Variants in PIK3C2A observed in about 807,000 individuals in gnomAD.
PIK3C2A encodes phosphatidylinositol 4-phosphate 3-kinase C2 domain-containing subunit alpha.
In PIK3C2A, 97 loss-of-function variants were observed where a neutral mutation model predicts 204.5. The ratio of observed to expected loss-of-function variants is 0.47; its 90% confidence interval spans 0.40 to 0.56. The LOEUF (loss-of-function observed/expected upper bound fraction) is 0.56. Among genes scored for constraint, PIK3C2A ranks in the 20% least tolerant of loss-of-function variants. PIK3C2A has a pLI of 0.00. For missense variants in PIK3C2A, 1,735 were observed against 1,969.2 expected (o/e 0.88, Z 2.25); for synonymous variants, 653 against 664.4 (o/e 0.98, Z 0.26).
chr11:17,112,899 C>T (rs1399745090), intron 20 of PIK3C2A, among the ~76,000 whole-genome samples: 1 of 151,258 alleles, frequency 6.6e-6, no homozygotes, highest in Non-Finnish European at 1.5e-5. Context: ...GATCCTCCTG[C>T]CTCAGCCTCC....
At chr11:17,123,621 C>T (rs1565257733) in intron 13 of PIK3C2A, among the ~76,000 whole-genome samples, 1 of 151,830 alleles carries the variant, frequency 6.6e-6, no homozygotes, top group Admixed American at 6.6e-5. Flanking sequence ...CTATAAAGAG[C>T]CAGAGAGTAA....
intron 1 of PIK3C2A, among the ~76,000 whole-genome samples, chr11:17,171,034 C>T (rs1851138699): frequency 1.3e-5 from 2 of 151,910 alleles, no homozygotes; most frequent in African/African-American, 2.4e-5. Context: ...ACCCGGGAGG[C>T]GGAGCTTGCA....
chr11:17,158,587 T>C (rs1357984908), intron 2 of PIK3C2A, among the ~76,000 whole-genome samples: 1 of 151,948 alleles, frequency 6.6e-6, no homozygotes, highest in Non-Finnish European at 1.5e-5. Context: ...TTAATCACCA[T>C]GCTAATCTGT....
At chr11:17,099,545 C>CAAAAAAA (rs1485359453) in intron 26 of PIK3C2A, among the ~76,000 whole-genome samples, 2 of 151,580 alleles carry the variant, frequency 1.3e-5, no homozygotes, top group African/African-American at 4.9e-5. Context: ...GACTCAGTCT[C>CAAAAAAA]AAAATAAAAA....
chr11:17,122,228 C>A lies in PIK3C2A; in HGVS notation c.2617G>T (p.Gly873Trp). 6.4e-7 allele frequency: 1 copy of A among 1,569,516 alleles called. No homozygotes were observed. The highest frequency in any genetic ancestry group is 1.1e-5 in the South Asian group (1 of 90,014). Residue 873 changes from glycine to tryptophan, a missense_variant, in exon 15 of 33, where the codon GGG (glycine) becomes TGG (tryptophan). By Grantham distance (184) the Gly-to-Trp change is radical. Around this residue, in one of 6 missense-constraint regions of PIK3C2A, gnomAD observed 567 missense variants for 576.0 expected, o/e 0.98. Transcript: ENST00000691414. ...NLETLENDIK[G>W]KLLDILHKDS... ...TTATGAAGAATATCAAGAAGTTTCCCTTTTATATCATTCTCTAGTGTTTCT... is the reference window on the plus strand; with the variant it reads ...TTATGAAGAATATCAAGAAGTTTCCATTTTATATCATTCTCTAGTGTTTCT...
intron 13 of PIK3C2A, among the ~76,000 whole-genome samples, chr11:17,124,347 T>G (rs1849453521): frequency 1.3e-5 from 2 of 152,270 alleles, no homozygotes; most frequent in Admixed American, 1.3e-4. Flanking sequence ...CCATAAAATA[T>G]CTAGTCACTA....
intron 32 of PIK3C2A, 28 bp from the exon 33 acceptor site, chr11:17,089,948 A>C (rs751370957): frequency 6.7e-7 from 1 of 1,485,800 alleles, no homozygotes; most frequent in South Asian, 1.3e-5. Flanking sequence ...AGAACAGTAA[A>C]TCACAAATTA....
At chr11:17,193,800 C>T (rs555292763) in intron 1 of PIK3C2A, 4 of 174,158 alleles carry the variant, frequency 2.3e-5, no homozygotes, top group South Asian at 1.2e-4. Flanking sequence ...GAGCCGAGAT[C>T]GCACCACTGC....
chr11:17,134,283 GCA>G (rs1849798908), intron 11 of PIK3C2A, among the ~76,000 whole-genome samples: 1 of 151,922 alleles, frequency 6.6e-6, no homozygotes, highest in South Asian at 2.1e-4. Flanking sequence ...ATAGCTCACT[GCA>G]GTCTTCATTT....
intron 26 of PIK3C2A, 31 bp from the exon 27 acceptor site, chr11:17,097,295 T>A: frequency 1.5e-6 from 2 of 1,357,602 alleles, no homozygotes; most frequent in Non-Finnish European, 2.1e-6. Flanking sequence ...TCGTTAACAG[T>A]AAATGAGAAC....
At chr11:17,131,550 T>C (rs887579085) in intron 12 of PIK3C2A, among the ~76,000 whole-genome samples, 2 of 150,930 alleles carry the variant, frequency 1.3e-5, no homozygotes, top group Non-Finnish European at 2.9e-5. Context: ...GCCTCCCGAG[T>C]AGCTGGGACC....
intron 24 of PIK3C2A, among the ~76,000 whole-genome samples, 174 bp downstream of exon 24, chr11:17,102,488 A>T (rs1177534765): frequency 2.0e-5 from 3 of 152,224 alleles, no homozygotes; most frequent in African/African-American, 7.2e-5. Context: ...AACAAAGTTT[A>T]TACACATTTA....
intron 22 of PIK3C2A, among the ~76,000 whole-genome samples, 199 bp from the exon 23 acceptor site, chr11:17,105,504 C>T (rs947057334): frequency 6.6e-5 from 10 of 152,088 alleles, no homozygotes; most frequent in African/African-American, 1.9e-4. Flanking sequence ...GGTTTTAAGC[C>T]CCGCATACAT....
intron 12 of PIK3C2A, among the ~76,000 whole-genome samples, chr11:17,130,742 G>A (rs1849664893): frequency 6.6e-6 from 1 of 150,898 alleles, no homozygotes; most frequent in Non-Finnish European, 1.5e-5. Context: ...GGGAAGCTGA[G>A]GTTACAGTGG....
At chr11:17,185,605 T>A (rs979700436) in intron 1 of PIK3C2A, among the ~76,000 whole-genome samples, 1 of 152,220 alleles carries the variant, frequency 6.6e-6, no homozygotes, top group Non-Finnish European at 1.5e-5. Context: ...CATCATTGTA[T>A]GCATAGGTAG....
At chr11:17,126,103 G>A (rs1331692887) in intron 13 of PIK3C2A, among the ~76,000 whole-genome samples, 1 of 152,112 alleles carries the variant, frequency 6.6e-6, no homozygotes, top group East Asian at 1.9e-4. Flanking sequence ...CAACCTGAGT[G>A]ACAGAGTGAG....
In PIK3C2A at chr11:17,193,917, G is replaced by GA. The variant is rs869134754; in HGVS notation, c.-66+13930dup. The GA allele has an allele frequency of 3.4e-5, 9 of 264,786 alleles. No individual in the cohort carries two copies. In the East Asian group the frequency reaches 3.7e-4, roughly 11 times the overall value. 16.4% of individuals were successfully genotyped at this position (264,786 alleles called of 1,614,324 possible). ...GAAAAGAAAAGAAAAGAAAAGAAAA[G>GA]AAACCCCGATCACAAAGATATGACT... On this transcript the variant is annotated intron_variant, in intron 1 of 32. Coordinates refer to ENST00000691414, the MANE Select transcript of PIK3C2A (RefSeq NM_002645.4).
intron 22 of PIK3C2A, among the ~76,000 whole-genome samples, chr11:17,105,600 C>T (rs1161675486): frequency 3.9e-5 from 6 of 152,184 alleles, no homozygotes; most frequent in South Asian, 4.1e-4. Context: ...CCTGTGTCCA[C>T]GTGTTCTCAC....
At chr11:17,167,390 A>T (rs1280177233) in intron 2 of PIK3C2A, among the ~76,000 whole-genome samples, 1 of 152,192 alleles carries the variant, frequency 6.6e-6, no homozygotes, top group Middle Eastern at 3.2e-3. Flanking sequence ...TGGGAGGCCA[A>T]GGTGGGCTGA....
Sources: gnomAD v4.1 joint callset for allele counts (sites outside exome capture counted in the v4.1 genomes callset) on GRCh38, gnomAD v4.1.1 for gene constraint, gnomAD v4.1.1 regional missense constraint, MANE v1.5 for transcripts, NCBI Gene and HGNC (gene_info 2026-07-23, HGNC 2026-07-21) for gene names.